SEMA3D: variants seen among roughly 807,000 people sequenced by gnomAD.
The protein encoded by SEMA3D is semaphorin-3D.
A neutral mutation model predicts 100.1 loss-of-function variants in SEMA3D; 84 were observed. That is an observed-to-expected ratio of 0.84 (90% CI 0.70 to 1.01). The LOEUF (loss-of-function observed/expected upper bound fraction) is 1.01, where lower values mean the gene tolerates loss of function less well. SEMA3D is among the 50% of genes least tolerant of loss of function. The probability of loss-of-function intolerance (pLI) is 0.00; values close to 1 mark genes in which losing one functional copy is unlikely to be tolerated. For synonymous variants in SEMA3D, 312 were observed against 320.7 expected (o/e 0.97, Z 0.29); for missense variants, 875 against 934.1 (o/e 0.94, Z 0.82).
At chr7:85,163,312 C>T (rs559413116) in intron 1 of SEMA3D, among the ~76,000 whole-genome samples, 69 of 152,130 alleles carry the variant, frequency 4.5e-4, no homozygotes, top group African/African-American at 1.6e-3. Context: ...ATATCACCCA[C>T]CACACAATAA....
intron 9 of SEMA3D, among the ~76,000 whole-genome samples, chr7:85,053,604 C>G (rs1264937428): frequency 6.6e-6 from 1 of 151,878 alleles, no homozygotes; most frequent in African/African-American, 2.4e-5. Flanking sequence ...AAAATGTTCA[C>G]TTTTTGCCAC....
intron 8 of SEMA3D, among the ~76,000 whole-genome samples, chr7:85,059,738 C>A (rs112850467): frequency 0.016 from 2,449 of 152,024 alleles, 48 homozygotes; most frequent in Non-Finnish European, 0.022. Context: ...AGAAGGGGTT[C>A]CATGAGCTGA....
At chr7:85,022,120 G>A (rs1584529914) in intron 13 of SEMA3D, among the ~76,000 whole-genome samples, 1 of 151,926 alleles carries the variant, frequency 6.6e-6, no homozygotes, top group East Asian at 1.9e-4. Flanking sequence ...TTGTTTAATT[G>A]TAGTTCAAAA....
chr7:85,133,648 T>C (rs1030748992), intron 2 of SEMA3D, among the ~76,000 whole-genome samples: 2 of 152,034 alleles, frequency 1.3e-5, no homozygotes, highest in South Asian at 2.1e-4. Context: ...TGGTTAAAAG[T>C]TCAGTCTCTG....
rs139518873 is a variant in SEMA3D, at chr7:85,161,128, T to C, written c.-172-7389A>G. 2.7e-3 allele frequency among the ~76,000 whole-genome samples: 417 copies of C among 152,246 alleles called. 1 individual carries two copies. The highest frequency in any genetic ancestry group is 9.5e-3 in the African/African-American group (393 of 41,562). ...TAAGGAAATATCAGAAAATTAATAA[T>C]AATTCAAACTCAATTTCCAAAGGGA... On this transcript the variant is annotated intron_variant, in intron 1 of 18. Coordinates refer to ENST00000284136, the MANE Select transcript of SEMA3D (RefSeq NM_001384900.1).
At chr7:85,134,399 T>C (rs1488849304) in intron 2 of SEMA3D, among the ~76,000 whole-genome samples, 1 of 152,028 alleles carries the variant, frequency 6.6e-6, no homozygotes, top group Non-Finnish European at 1.5e-5. Context: ...CAAAAATGTT[T>C]ATGCATATCA....
At chr7:85,048,544 G>A (rs17559978) in intron 9 of SEMA3D, among the ~76,000 whole-genome samples, 52,542 of 151,544 alleles carry the variant, frequency 0.35, 10,007 homozygotes, top group African/African-American at 0.52. Context: ...AAATGAGTAT[G>A]TTTTGATACA....
At chr7:85,165,650 A>G (rs1406564014) in intron 1 of SEMA3D, among the ~76,000 whole-genome samples, 2 of 152,114 alleles carry the variant, frequency 1.3e-5, no homozygotes, top group African/African-American at 4.8e-5. Flanking sequence ...ATTTTTCAAT[A>G]TCTGAGTACA....
At chr7:85,176,646 G>C (rs1242827965) in intron 1 of SEMA3D, among the ~76,000 whole-genome samples, 1 of 151,592 alleles carries the variant, frequency 6.6e-6, no homozygotes, top group Non-Finnish European at 1.5e-5. Flanking sequence ...AACAACTTTG[G>C]GTCTGACTGA....
chr7:85,218,579 C>G, the SEMA3D span, among the ~76,000 whole-genome samples: 1 of 151,988 alleles, frequency 6.6e-6, no homozygotes, highest in Non-Finnish European at 1.5e-5. Context: ...TAAATCAGCT[C>G]TTTTTGTGTC....
chr7:85,244,058 G>C, the SEMA3D span, among the ~76,000 whole-genome samples: 66 of 152,130 alleles, frequency 4.3e-4, no homozygotes, highest in Non-Finnish European at 7.8e-4. Flanking sequence ...GAATACCCAA[G>C]GCTAGGTAAC....
rs1261594309 is a variant in SEMA3D, at chr7:85,022,477, A to T, written c.1328T>A (p.Ile443Asn). Residue 443 changes from isoleucine to asparagine, a missense_variant, in exon 13 of 19, where the codon ATC (isoleucine) becomes AAC (asparagine). Ile to Asn is a moderately radical substitution (Grantham distance 149). Coordinates refer to ENST00000284136, the MANE Select transcript of SEMA3D (RefSeq NM_001384900.1). ...CTGTGTCAGTCTGTAATCCACATTG[A>T]TTCTCTTGAACGTTGGTCCTCCTGC... ...PVAGGPTFKR[I>N]NVDYRLTQIV... is the part of the protein sequence containing the mutation. The T allele has an allele frequency of 8.7e-6, 14 of 1,612,478 alleles. No individual in the cohort carries two copies. The highest frequency in any genetic ancestry group is 1.3e-5 in the African/African-American group (1 of 74,788).
chr7:85,061,492 A>G lies in SEMA3D; in HGVS notation c.718+3932T>C, dbSNP rs149741403. Among the ~76,000 whole-genome samples, 205 of 152,320 alleles carry G rather than the reference A, an allele frequency of 1.3e-3. 3 individuals are homozygous for G. In the East Asian group the frequency reaches 0.025, roughly 18 times the overall value. ...TTCATGTAGCATCATATGAAAAATG[A>G]TAACTCTTTAGAATCTGCATCTTAA... is the stretch of plus-strand genomic sequence containing the variant. On this transcript the variant is annotated intron_variant, in intron 8 of 18. Transcript: ENST00000284136.
chr7:85,050,958 T>C (rs1010264345), intron 9 of SEMA3D, among the ~76,000 whole-genome samples: 8 of 151,978 alleles, frequency 5.3e-5, no homozygotes, highest in Non-Finnish European at 1.0e-4. Context: ...TGTGTGCACA[T>C]GCATGTGTGC....
At chr7:85,221,465 G>A in the SEMA3D span, among the ~76,000 whole-genome samples, 1 of 152,002 alleles carries the variant, frequency 6.6e-6, no homozygotes, top group African/African-American at 2.4e-5. Flanking sequence ...CTTTTCTGGT[G>A]TCAAACACTG....
At position 84,997,638 on chromosome 7, in the gene SEMA3D, G is replaced by C. The variant is rs952220579; in HGVS notation, c.*1802C>G. On this transcript the variant is annotated 3_prime_UTR_variant, in exon 19 of 19. Coordinates refer to ENST00000284136, the MANE Select transcript of SEMA3D (RefSeq NM_001384900.1). ...CAATGCAAATAAAATAAAAATAACA[G>C]AGAGAGAATGCTCTCAACATAGAGC... is the stretch of plus-strand genomic sequence containing the variant. The C allele has an allele frequency of 6.6e-6, 1 of 152,434 alleles. No individual in the cohort carries two copies. Among genetic ancestry groups the C allele is most frequent in the Non-Finnish European group, 1.5e-5 (1 of 67,968 alleles). The allele number at this position is 152,434 out of a possible 1,614,324, so 9.4% of individuals were successfully genotyped here. A position where few individuals can be genotyped will look rare whatever the true frequency, so the allele number is the denominator to read the frequency against.
intron 3 of SEMA3D, among the ~76,000 whole-genome samples, chr7:85,117,521 A>G (rs1789275846): frequency 6.6e-6 from 1 of 152,128 alleles, no homozygotes; most frequent in Non-Finnish European, 1.5e-5. Flanking sequence ...GCTCACTCCT[A>G]TAAGCCCAGC....
At chr7:85,100,373 T>C (rs1788709719) in intron 3 of SEMA3D, among the ~76,000 whole-genome samples, 1 of 151,494 alleles carries the variant, frequency 6.6e-6, no homozygotes, top group Admixed American at 6.6e-5. Context: ...ATAATTGTGA[T>C]ATGCACAGAC....
chr7:85,008,349 A>C lies in SEMA3D; in HGVS notation c.1769-1408T>G, dbSNP rs1187364413. Among the ~76,000 whole-genome samples, 3 of 151,826 alleles carry C rather than the reference A, an allele frequency of 2.0e-5. No individual in the cohort carries two copies. The South Asian group carries it at 6.2e-4, about 31-fold the overall frequency. On this transcript the variant is annotated intron_variant, in intron 17 of 18. Coordinates refer to ENST00000284136, the MANE Select transcript of SEMA3D (RefSeq NM_001384900.1). ...CTGGAAAAGTAATAGTGAGCTCATT[A>C]TCTGAACTCTTTTTTCAAATTAATA...
Sources: gnomAD v4.1 joint callset for allele counts (sites outside exome capture counted in the v4.1 genomes callset) on GRCh38, gnomAD v4.1.1 for gene constraint, MANE v1.5 for transcripts, NCBI Gene and HGNC (gene_info 2026-07-23, HGNC 2026-07-21) for gene names.